ERICH2: variants seen among roughly 807,000 people sequenced by gnomAD.
ERICH2 encodes glutamate rich 2, also known as glutamate-rich protein 2.
A neutral mutation model predicts 17.4 loss-of-function variants in ERICH2; 17 were observed. The observed-to-expected ratio is 0.98, with a 90% confidence interval of 0.67 to 1.47. The LOEUF (loss-of-function observed/expected upper bound fraction) is 1.47, where lower values mean the gene tolerates loss of function less well. ERICH2 is among the 40% of genes most tolerant of loss of function. The pLI is 0.00. For missense variants in ERICH2, 186 were observed against 183.2 expected (o/e 1.01, Z -0.09); for synonymous variants, 51 against 61.1 (o/e 0.83, Z 0.77).
At chr2:170,778,896 T>C (rs187196909), upstream of ERICH2, among the ~76,000 whole-genome samples, 121 of 152,272 alleles carry the variant, frequency 7.9e-4, no homozygotes, top group African/African-American at 2.6e-3. Flanking sequence ...CTGAGGTAGA[T>C]AAACCCCGGG....
chr2:170,788,991 T>C (rs1036373569), intron 2 of ERICH2, among the ~76,000 whole-genome samples: 1 of 151,914 alleles, frequency 6.6e-6, no homozygotes, highest in Non-Finnish European at 1.5e-5. Context: ...AGACAGAGTA[T>C]TGCTCTGTCA....
intron 3 of ERICH2, among the ~76,000 whole-genome samples, chr2:170,797,347 C>G (rs1007432509): frequency 6.6e-6 from 1 of 152,242 alleles, no homozygotes; most frequent in Non-Finnish European, 1.5e-5. Context: ...TAACAGACCT[C>G]TAGGCACACA....
intron 3 of ERICH2, among the ~76,000 whole-genome samples, chr2:170,795,564 T>A (rs1464983998): frequency 1.3e-5 from 2 of 152,056 alleles, no homozygotes; most frequent in East Asian, 3.9e-4. Context: ...CCCAGGTTGG[T>A]CTCAAACTCC....
upstream of ERICH2, chr2:170,782,489 G>A (rs1006036323): frequency 5.2e-5 from 23 of 443,678 alleles, no homozygotes; most frequent in Admixed American, 6.4e-5. Context: ...GATCTGGGGC[G>A]GGTCATGAGA....
chr2:170,796,829 C>G (rs184082327), intron 3 of ERICH2, among the ~76,000 whole-genome samples: 1 of 151,914 alleles, frequency 6.6e-6, no homozygotes, highest in African/African-American at 2.4e-5. Flanking sequence ...GCAGGAGTCA[C>G]AATATTAAAC....
chr2:170,790,366 C>T (rs1369824693), intron 2 of ERICH2, among the ~76,000 whole-genome samples: 1 of 152,150 alleles, frequency 6.6e-6, no homozygotes, highest in Non-Finnish European at 1.5e-5. Context: ...GTGCCTCACG[C>T]CTGTAATCCC....
At chr2:170,771,822 C>T in the ERICH2 span, among the ~76,000 whole-genome samples, 2 of 152,106 alleles carry the variant, frequency 1.3e-5, no homozygotes, top group Non-Finnish European at 2.9e-5. The surrounding 1 kb of genome is among the most constrained non-coding windows in gnomAD (Gnocchi z 4.8). Flanking sequence ...TACACTGAGC[C>T]CCTGTGGCAT....
the ERICH2 span, among the ~76,000 whole-genome samples, chr2:170,776,950 T>C: frequency 4.0e-5 from 6 of 151,602 alleles, no homozygotes; most frequent in African/African-American, 1.2e-4. Flanking sequence ...GCTTAATTTC[T>C]CTAGATTTTT....
exon 2 of ERICH2, chr2:170,784,770 A>T (rs1351177597): frequency 1.3e-6 from 2 of 1,544,152 alleles, no homozygotes; most frequent in East Asian, 2.5e-5. Flanking sequence ...CCAATGATGA[A>T]GATGATGATG....
chr2:170,798,211 G>A (rs778378505), intron 4 of ERICH2, 99 bp downstream of exon 9: 7 of 847,960 alleles, frequency 8.3e-6, no homozygotes, highest in Non-Finnish European at 1.3e-5. Flanking sequence ...TCTTTAGGAA[G>A]TGGTTAAGAA....
intron 2 of ERICH2, 64 bp downstream of exon 7, chr2:170,784,897 G>T: frequency 7.9e-7 from 1 of 1,260,086 alleles, no homozygotes; most frequent in East Asian, 2.8e-5. Flanking sequence ...AAAGACTGAA[G>T]ATTTAAAATC....
At position 170,784,853 on chromosome 2, in the gene ERICH2, A is replaced by G. The variant is rs919696860; in HGVS notation, c.216+20A>G. On this transcript the variant is annotated intron_variant, in intron 2 of 4. Coordinates refer to ENST00000409885, the Ensembl canonical transcript of ERICH2. ...GCAGAAGTAAGTTTTACTTGTGCAT[A>G]TAATTGAAGAAACTTTAAAATATTG... 2.1e-6 allele frequency: 3 copies of G among 1,402,412 alleles called. 1 individual carries two copies. The African/African-American group carries it at 4.4e-5, about 20-fold the overall frequency. 86.9% of individuals were successfully genotyped at this position (1,402,412 alleles called of 1,614,324 possible).
chr2:170,777,455 GT>G, the ERICH2 span: 1 of 1,209,444 alleles, frequency 8.3e-7, no homozygotes, highest in Non-Finnish European at 1.0e-6. Flanking sequence ...GAAAGAATAT[GT>G]TTAGCCACTA....
upstream of ERICH2, chr2:170,779,708 G>T: frequency 2.7e-6 from 1 of 372,404 alleles, no homozygotes; most frequent in Non-Finnish European, 3.7e-6. Flanking sequence ...GTATCTCTAG[G>T]ACTTTTCTTA....
At chr2:170,785,186 A>T (rs1377837828) in intron 2 of ERICH2, among the ~76,000 whole-genome samples, 10 of 152,186 alleles carry the variant, frequency 6.6e-5, no homozygotes, top group Admixed American at 5.9e-4. Context: ...AATTGCCTTG[A>T]TTTGATCATT....
intron 3 of ERICH2, among the ~76,000 whole-genome samples, chr2:170,797,246 AAAAC>A (rs201556914): frequency 0.014 from 2,070 of 152,348 alleles, 59 homozygotes; most frequent in African/African-American, 0.044. Context: ...GGTTGCATTA[AAAAC>A]AAACAAACAA....
At chr2:170,798,246 G>C (rs1231051243) in intron 4 of ERICH2, 134 bp downstream of exon 9, 1 of 668,014 alleles carries the variant, frequency 1.5e-6, no homozygotes, top group East Asian at 2.7e-5. Flanking sequence ...GTCTTAAATG[G>C]TTTAGTGAAA....
chr2:170,787,124 G>T (rs1308206917), intron 2 of ERICH2, among the ~76,000 whole-genome samples: 3 of 151,972 alleles, frequency 2.0e-5, no homozygotes, highest in African/African-American at 7.3e-5. Context: ...GCATGATCAT[G>T]TTACACTACA....
the ERICH2 span, chr2:170,777,094 A>T: frequency 1.9e-5 from 3 of 154,710 alleles, no homozygotes; most frequent in Admixed American, 6.5e-5. Flanking sequence ...TTTGTATTTT[A>T]AATCTATATA....
Sources: gnomAD v4.1 joint callset for allele counts (sites outside exome capture counted in the v4.1 genomes callset) on GRCh38, gnomAD v4.1.1 for gene constraint, Gnocchi (gnomAD v3.1) non-coding constraint, MANE v1.5 for transcripts, NCBI Gene and HGNC (gene_info 2026-07-23, HGNC 2026-07-21) for gene names.